Variants in CTIF observed in about 807,000 individuals in gnomAD.
CTIF encodes the protein cap binding complex dependent translation initiation factor.
In CTIF, 21 loss-of-function variants were observed where a neutral mutation model predicts 66.0. The ratio of observed to expected loss-of-function variants is 0.32; its 90% CI spans 0.23 to 0.46. CTIF has a LOEUF of 0.46. Among genes scored for constraint, CTIF ranks in the 20% least tolerant of loss-of-function variants. CTIF has a pLI of 1.00. For synonymous variants in CTIF, 345 were observed against 326.4 expected (o/e 1.06, Z -0.62); for missense variants, 739 against 812.7 (o/e 0.91, Z 1.10).
intron 1 of CTIF, among the ~76,000 whole-genome samples, chr18:48,558,112 G>GT (rs1407139601): frequency 1.7e-4 from 26 of 152,268 alleles, no homozygotes; most frequent in African/African-American, 5.8e-4. Context: ...TCAGGCTGGA[G>GT]TATATTCCCT....
intron 9 of CTIF, among the ~76,000 whole-genome samples, chr18:48,794,042 C>T (rs946492441): frequency 1.3e-5 from 2 of 152,184 alleles, no homozygotes; most frequent in East Asian, 1.9e-4. Context: ...CCAGGGGAGG[C>T]GAGGTAATCT....
intron 9 of CTIF, among the ~76,000 whole-genome samples, chr18:48,789,391 T>C (rs532118533): frequency 1.3e-5 from 2 of 152,338 alleles, no homozygotes; most frequent in Admixed American, 1.3e-4. Context: ...TGAGATAATG[T>C]AGTAAAGGGC....
intron 7 of CTIF, among the ~76,000 whole-genome samples, chr18:48,715,128 T>C (rs72911633): frequency 0.02 from 2,978 of 152,260 alleles, 62 homozygotes; most frequent in South Asian, 0.081. Context: ...CTACCCACAC[T>C]GTCAGAGGGG....
intron 9 of CTIF, among the ~76,000 whole-genome samples, chr18:48,779,585 C>T (rs192946640): frequency 5.9e-4 from 90 of 152,350 alleles, no homozygotes; most frequent in Non-Finnish European, 5.6e-4. Flanking sequence ...CCCCACAGGC[C>T]AGGCCTTGGG....
chr18:48,756,204 C>G (rs1272858190), intron 7 of CTIF: 1 of 152,194 alleles, frequency 6.6e-6, no homozygotes, highest in African/African-American at 2.4e-5. Context: ...CAGCGGAGGC[C>G]CAATGAGGGG....
At chr18:48,695,477 G>A (rs993697878) in intron 6 of CTIF, among the ~76,000 whole-genome samples, 3 of 152,174 alleles carry the variant, frequency 2.0e-5, no homozygotes, top group Non-Finnish European at 2.9e-5. Context: ...ATTCCGCTAC[G>A]GTTCAATCCT....
intron 1 of CTIF, among the ~76,000 whole-genome samples, chr18:48,558,232 G>T (rs1344574549): frequency 6.6e-6 from 1 of 152,172 alleles, no homozygotes; most frequent in African/African-American, 2.4e-5. Context: ...ATCTATGTGT[G>T]CATTAAAGAA....
intron 6 of CTIF, among the ~76,000 whole-genome samples, chr18:48,709,654 G>C (rs2092201644): frequency 6.6e-6 from 1 of 152,268 alleles, no homozygotes; most frequent in Non-Finnish European, 1.5e-5. Flanking sequence ...GAGAGGCAGG[G>C]AGGGAGGGAA....
At chr18:48,795,055 G>A (rs16949974) in intron 9 of CTIF, among the ~76,000 whole-genome samples, 2,228 of 152,282 alleles carry the variant, frequency 0.015, 48 homozygotes, top group African/African-American at 0.049. Flanking sequence ...TAGTTTTGCC[G>A]TAGCTTCCTG....
At chr18:48,764,812 C>T (rs945343236) in intron 9 of CTIF, among the ~76,000 whole-genome samples, 39 of 152,328 alleles carry the variant, frequency 2.6e-4, no homozygotes, top group African/African-American at 9.4e-4. Flanking sequence ...GGAGGGAGCC[C>T]CTTGAGAGTA....
At position 48,840,943 on chromosome 18, in the gene CTIF, C is replaced by T. The variant is rs560659620; in HGVS notation, c.1528-16645C>T. On this transcript the variant is annotated intron_variant, in intron 10 of 11. Transcript: ENST00000256413. ...GCTACTACAAGTGTTGATCCTTCTT[C>T]AATACAGCATGCCAAGATTATCATG... Among the ~76,000 whole-genome samples the T allele has an allele frequency of 3.1e-4, 45 of 146,652 alleles. 1 individual carries two copies. The South Asian group carries it at 4.2e-3, about 14-fold the overall frequency.
At chr18:48,704,303 C>A (rs2092123149) in intron 6 of CTIF, among the ~76,000 whole-genome samples, 1 of 150,290 alleles carries the variant, frequency 6.7e-6, no homozygotes, top group South Asian at 2.1e-4. Flanking sequence ...CCTTCTCTTC[C>A]TCTTCCATAA....
chr18:48,814,139 G>A (rs1000317498), intron 9 of CTIF, among the ~76,000 whole-genome samples: 1 of 152,190 alleles, frequency 6.6e-6, no homozygotes, highest in African/African-American at 2.4e-5. Flanking sequence ...CCTTCTCAGT[G>A]TTGCTGTGGG....
intron 1 of CTIF, among the ~76,000 whole-genome samples, chr18:48,573,498 C>T (rs1376800479): frequency 6.6e-6 from 1 of 152,224 alleles, no homozygotes; most frequent in African/African-American, 2.4e-5. Flanking sequence ...ACAGTGTGTA[C>T]ATTTTAAAAA....
At chr18:48,724,329 C>T (rs1048219634) in intron 7 of CTIF, among the ~76,000 whole-genome samples, 3 of 152,144 alleles carry the variant, frequency 2.0e-5, no homozygotes, top group African/African-American at 7.2e-5. Flanking sequence ...CCCCCTGCTC[C>T]TTGTAGATGG....
chr18:48,799,158 G>A (rs1309289445), intron 9 of CTIF, among the ~76,000 whole-genome samples: 2 of 152,182 alleles, frequency 1.3e-5, no homozygotes, highest in Non-Finnish European at 2.9e-5. Context: ...AGATTTTAAG[G>A]GGATGATAAG....
At chr18:48,587,996 T>G (rs1235919960) in intron 1 of CTIF, among the ~76,000 whole-genome samples, 1 of 152,182 alleles carries the variant, frequency 6.6e-6, no homozygotes, top group East Asian at 1.9e-4. Context: ...TGGGAAAATG[T>G]GGTTAAATTA....
chr18:48,679,675 C>T (rs2091705270), intron 6 of CTIF, among the ~76,000 whole-genome samples: 1 of 152,206 alleles, frequency 6.6e-6, no homozygotes, highest in Non-Finnish European at 1.5e-5. Context: ...CTTTCATGGC[C>T]CTGTTCCAAT....
At chr18:48,618,492 G>T (rs1036982395) in intron 1 of CTIF, among the ~76,000 whole-genome samples, 12 of 152,232 alleles carry the variant, frequency 7.9e-5, no homozygotes, top group African/African-American at 2.9e-4. Flanking sequence ...TAATAAAAGA[G>T]GCACAAGGCA....
Sources: allele counts gnomAD v4.1 joint callset (sites outside exome capture counted in the v4.1 genomes callset), GRCh38; gene constraint gnomAD v4.1.1; transcripts MANE v1.5; gene names NCBI Gene and HGNC (gene_info 2026-07-23, HGNC 2026-07-21).